The following NALCN variants were observed in gnomAD, a reference collection of about 807,000 sequenced individuals.
The protein encoded by NALCN is sodium leak channel, non-selective.
In NALCN, 111 loss-of-function variants were observed where a neutral mutation model predicts 225.3. The ratio of observed to expected loss-of-function variants is 0.49; its 90% CI spans 0.42 to 0.58. The LOEUF (loss-of-function observed/expected upper bound fraction) is 0.58, where lower values mean the gene tolerates loss of function less well. Among genes scored for constraint, NALCN ranks in the 20% least tolerant of loss-of-function variants. The pLI is 0.00. For synonymous variants in NALCN, 764 were observed against 769.0 expected (o/e 0.99, Z 0.11); for missense variants, 1,378 against 2,202.4 (o/e 0.63, Z 7.49).
Position 101,070,358 on chromosome 13 carries a change from G to A in NALCN, c.4198-1531C>T, listed in dbSNP as rs555397388. ...TAGGATTACAGGCGTGAGCCACTGCGCCTGGCCATGAATGTTCTTAATGGC... is the reference window on the plus strand; with the variant it reads ...TAGGATTACAGGCGTGAGCCACTGCACCTGGCCATGAATGTTCTTAATGGC... On this transcript the variant is annotated intron_variant, in intron 37 of 43. Transcript: ENST00000251127. Among the ~76,000 whole-genome samples, 11 of 152,272 alleles carry A rather than the reference G, an allele frequency of 7.2e-5. No homozygotes were observed. The South Asian group carries it at 1.7e-3, about 23-fold the overall frequency.
chr13:101,256,515 A>G lies in NALCN; in HGVS notation c.1266+1928T>C, dbSNP rs116973775. On this transcript the variant is annotated intron_variant, in intron 11 of 43. Coordinates refer to ENST00000251127, the MANE Select transcript of NALCN (RefSeq NM_052867.4). ...TCTGAATTGGTATCACTGTAAATCC[A>G]TAGTCCTAAATGGATCTTTAATGTT... Among the ~76,000 whole-genome samples, 1,179 of 152,332 alleles carry G rather than the reference A, an allele frequency of 7.7e-3. 13 individuals are homozygous for G. The highest frequency in any genetic ancestry group is 0.028 in the South Asian group (134 of 4,830).
At chr13:101,307,284 A>G (rs1412488886) in intron 7 of NALCN, among the ~76,000 whole-genome samples, 1 of 152,166 alleles carries the variant, frequency 6.6e-6, no homozygotes, top group Non-Finnish European at 1.5e-5. Flanking sequence ...TTGGCCACAA[A>G]CCCAGAACAG....
intron 42 of NALCN, chr13:101,059,326 AC>A (rs2031637908): frequency 1.3e-5 from 2 of 152,542 alleles, no homozygotes; most frequent in Non-Finnish European, 2.9e-5. Context: ...CTGATACCCA[AC>A]CAGGAAAGGA....
intron 15 of NALCN, among the ~76,000 whole-genome samples, chr13:101,168,473 C>T (rs925074900): frequency 2.2e-4 from 33 of 152,262 alleles, no homozygotes; most frequent in African/African-American, 7.0e-4. Flanking sequence ...TCTGCATCAG[C>T]GCACTTAAAG....
intron 6 of NALCN, among the ~76,000 whole-genome samples, chr13:101,366,387 G>A (rs550862705): frequency 3.5e-4 from 54 of 152,184 alleles, no homozygotes; most frequent in Admixed American, 3.0e-3. Flanking sequence ...ATCAGTTCTG[G>A]AGGTCAACTA....
chr13:101,121,281 T>C (rs893859275), intron 18 of NALCN, among the ~76,000 whole-genome samples: 1 of 152,146 alleles, frequency 6.6e-6, no homozygotes, highest in African/African-American at 2.4e-5. Context: ...ATTGTCTGTT[T>C]ACACAGCCAG....
At chr13:101,238,596 A>T (rs2041649911) in intron 11 of NALCN, among the ~76,000 whole-genome samples, 1 of 151,992 alleles carries the variant, frequency 6.6e-6, no homozygotes, top group Non-Finnish European at 1.5e-5. Context: ...TAAAGACAGC[A>T]TGTTATTTCC....
At chr13:101,060,525 A>G (rs2031822899) in intron 41 of NALCN, among the ~76,000 whole-genome samples, 1 of 141,122 alleles carries the variant, frequency 7.1e-6, no homozygotes, top group Admixed American at 7.7e-5. Context: ...TTCTGGTCTT[A>G]AGCGATCCTC....
At chr13:101,091,583 T>C (rs1163545105) in intron 28 of NALCN, among the ~76,000 whole-genome samples, 1 of 152,186 alleles carries the variant, frequency 6.6e-6, no homozygotes, top group African/African-American at 2.4e-5. Flanking sequence ...TTTTTATGTA[T>C]GAAAGTACAA....
At chr13:101,263,103 T>A (rs1247128409) in intron 10 of NALCN, among the ~76,000 whole-genome samples, 3 of 152,216 alleles carry the variant, frequency 2.0e-5, no homozygotes, top group Non-Finnish European at 4.4e-5. Flanking sequence ...GTAACATTGA[T>A]AAGGATCTAA....
chr13:101,069,418 T>C (rs1263018907), intron 37 of NALCN, among the ~76,000 whole-genome samples: 4 of 152,224 alleles, frequency 2.6e-5, no homozygotes, highest in Admixed American at 6.5e-5. Context: ...AAAAAGTACT[T>C]TTATTGCTAA....
intron 7 of NALCN, among the ~76,000 whole-genome samples, chr13:101,335,540 T>C (rs555341631): frequency 6.6e-6 from 1 of 152,282 alleles, no homozygotes; most frequent in East Asian, 1.9e-4. Flanking sequence ...TGTTCCATGA[T>C]AAAGGAATTT....
chr13:101,200,171 C>T (rs1362265388), intron 13 of NALCN, among the ~76,000 whole-genome samples: 2 of 152,136 alleles, frequency 1.3e-5, no homozygotes, highest in Non-Finnish European at 2.9e-5. Flanking sequence ...ACAGGAATCT[C>T]AAGTATTTGA....
chr13:101,060,506 G>C (rs1409917691), intron 41 of NALCN, among the ~76,000 whole-genome samples: 1 of 106,288 alleles, frequency 9.4e-6, no homozygotes, highest in Non-Finnish European at 1.9e-5. Flanking sequence ...GCCCAAGCTA[G>C]TTTCAAACTT....
chr13:101,232,598 A>G (rs1377472711), intron 12 of NALCN, among the ~76,000 whole-genome samples: 1 of 150,946 alleles, frequency 6.6e-6, no homozygotes, highest in Non-Finnish European at 1.5e-5. Flanking sequence ...GGCGCCCACC[A>G]CCACACCCAG....
chr13:101,183,324 C>T (rs2039314935), intron 14 of NALCN, among the ~76,000 whole-genome samples: 1 of 152,154 alleles, frequency 6.6e-6, no homozygotes, highest in South Asian at 2.1e-4. Context: ...AGGGACTTGC[C>T]ACATTAAATC....
intron 28 of NALCN, among the ~76,000 whole-genome samples, chr13:101,090,837 A>G (rs926479441): frequency 6.6e-6 from 1 of 152,166 alleles, no homozygotes; most frequent in Non-Finnish European, 1.5e-5. Context: ...AGAATCCAAC[A>G]GGTAATTTTT....
At chr13:101,342,875 GT>G (rs2045601402) in intron 7 of NALCN, among the ~76,000 whole-genome samples, 1 of 152,080 alleles carries the variant, frequency 6.6e-6, no homozygotes. Context: ...AACATCATCA[GT>G]GTTAAATCTT....
chr13:101,302,799 A>G (rs2044019017), intron 7 of NALCN, among the ~76,000 whole-genome samples: 1 of 152,204 alleles, frequency 6.6e-6, no homozygotes, highest in Non-Finnish European at 1.5e-5. Flanking sequence ...AAATATTCAC[A>G]GAATTTTTCC....
Sources: allele counts gnomAD v4.1 joint callset (sites outside exome capture counted in the v4.1 genomes callset), GRCh38; gene constraint gnomAD v4.1.1; transcripts MANE v1.5; gene names NCBI Gene and HGNC (gene_info 2026-07-23, HGNC 2026-07-21).